The following ATXN7L1 variants were observed in gnomAD, a reference collection of about 807,000 sequenced individuals.
ATXN7L1 encodes the protein ataxin-7-like protein 1.
In ATXN7L1, 15 loss-of-function variants were observed where a neutral mutation model predicts 70.8. The observed-to-expected ratio is 0.21, with a 90% CI of 0.14 to 0.33. The LOEUF is 0.33. ATXN7L1 is among the 10% of genes least tolerant of loss of function. ATXN7L1 has a pLI of 1.00. For synonymous variants in ATXN7L1, 440 were observed against 445.1 expected, an observed-to-expected ratio of 0.99 and a Z score of 0.14; for missense variants, 975 against 1,097.1, an observed-to-expected ratio of 0.89 and a Z score of 1.57.
chr7:105,729,886 T>C (rs1242825675), intron 3 of ATXN7L1, among the ~76,000 whole-genome samples: 4 of 152,006 alleles, frequency 2.6e-5, no homozygotes, highest in Non-Finnish European at 4.4e-5. Context: ...TACAGGCGCC[T>C]GCCACCACGC....
intron 3 of ATXN7L1, among the ~76,000 whole-genome samples, chr7:105,752,833 C>T (rs181767363): frequency 6.6e-6 from 1 of 152,172 alleles, no homozygotes; most frequent in Non-Finnish European, 1.5e-5. Context: ...AACACAGTGG[C>T]CGCACCCTGA....
intron 7 of ATXN7L1, among the ~76,000 whole-genome samples, chr7:105,632,921 T>TAAAAAAAA (rs11417434): frequency 5.0e-5 from 3 of 60,058 alleles, no homozygotes; most frequent in Non-Finnish European, 8.2e-5. Flanking sequence ...ATCTTGTCTT[T>TAAAAAAAA]AAAAAAAAAA....
At chr7:105,724,095 G>T (rs922479058) in intron 3 of ATXN7L1, among the ~76,000 whole-genome samples, 1 of 152,094 alleles carries the variant, frequency 6.6e-6, no homozygotes, top group African/African-American at 2.4e-5. Flanking sequence ...CAATTTGGGG[G>T]GCTTACAACA....
chr7:105,803,100 GTC>G (rs1342473795), intron 2 of ATXN7L1, among the ~76,000 whole-genome samples: 2 of 152,220 alleles, frequency 1.3e-5, no homozygotes, highest in East Asian at 3.8e-4. Context: ...CTACCCCTGT[GTC>G]AAATCCGTCA....
At chr7:105,639,417 A>G (rs1221719277) in intron 6 of ATXN7L1, 70 bp downstream of exon 6, 4 of 1,200,262 alleles carry the variant, frequency 3.3e-6, no homozygotes, top group Non-Finnish European at 4.8e-6. Flanking sequence ...GTGTGCAGAG[A>G]GTGGCATGCA....
chr7:105,657,589 T>C lies in ATXN7L1; in HGVS notation c.578+7477A>G, dbSNP rs1330082092. On this transcript the variant is annotated intron_variant, in intron 4 of 11. Coordinates refer to ENST00000419735, the MANE Select transcript of ATXN7L1 (RefSeq NM_020725.2). ...GTGTGTGCCTGTCGTCCCAGCTACC[T>C]GGGAGGTTGAGGTGGGAGGATCACT... 2.7e-5 allele frequency among the ~76,000 whole-genome samples: 4 copies of C among 149,932 alleles called. No individual in the cohort carries two copies. The Admixed American group carries it at 2.7e-4, about 10-fold the overall frequency.
chr7:105,740,769 A>AC (rs1797907152), intron 3 of ATXN7L1, among the ~76,000 whole-genome samples: 1 of 85,686 alleles, frequency 1.2e-5, no homozygotes, highest in Non-Finnish European at 2.1e-5. Context: ...GGCTCCATTC[A>AC]TTTTTTTTTT....
chr7:105,719,636 C>T (rs1438862567), intron 3 of ATXN7L1, among the ~76,000 whole-genome samples: 4 of 152,084 alleles, frequency 2.6e-5, no homozygotes, highest in Non-Finnish European at 4.4e-5. Flanking sequence ...CTCAGAGAAG[C>T]GGACTAAGCC....
intron 3 of ATXN7L1, among the ~76,000 whole-genome samples, chr7:105,687,923 T>C (rs1790168691): frequency 6.6e-6 from 1 of 152,302 alleles, no homozygotes; most frequent in Non-Finnish European, 1.5e-5. Context: ...GCTTTAGTCA[T>C]ACAAAGAAAA....
At chr7:105,711,052 A>G (rs2116269372) in intron 3 of ATXN7L1, among the ~76,000 whole-genome samples, 1 of 152,284 alleles carries the variant, frequency 6.6e-6, no homozygotes, top group South Asian at 2.1e-4. Context: ...AGCATGGGGG[A>G]AACCGCCCCC....
chr7:105,648,591 A>G (rs578007318), intron 4 of ATXN7L1, among the ~76,000 whole-genome samples: 1 of 152,328 alleles, frequency 6.6e-6, no homozygotes, highest in South Asian at 2.1e-4. Context: ...GAGCCTATTA[A>G]GAGCCCCACC....
At chr7:105,769,382 T>C (rs556038011) in intron 3 of ATXN7L1, among the ~76,000 whole-genome samples, 2 of 152,090 alleles carry the variant, frequency 1.3e-5, no homozygotes, top group African/African-American at 4.8e-5. Context: ...CGGCACACTA[T>C]TTTGTGTGTT....
intron 3 of ATXN7L1, among the ~76,000 whole-genome samples, chr7:105,715,637 T>C (rs1794448194): frequency 6.6e-6 from 1 of 152,228 alleles, no homozygotes; most frequent in Non-Finnish European, 1.5e-5. Flanking sequence ...AAACTGTGGG[T>C]AGGGGTGCTC....
At chr7:105,825,323 C>A (rs1454839093) in intron 2 of ATXN7L1, among the ~76,000 whole-genome samples, 1 of 152,050 alleles carries the variant, frequency 6.6e-6, no homozygotes, top group African/African-American at 2.4e-5. Context: ...CTTCCCAAGA[C>A]AATGAAGAGG....
chr7:105,632,371 T>C (rs977260510), intron 7 of ATXN7L1, among the ~76,000 whole-genome samples: 1 of 152,192 alleles, frequency 6.6e-6, no homozygotes, highest in African/African-American at 2.4e-5. Flanking sequence ...TCATAAATGA[T>C]TTAAAATACC....
intron 3 of ATXN7L1, among the ~76,000 whole-genome samples, chr7:105,730,873 T>A (rs1038339348): frequency 6.6e-6 from 1 of 152,174 alleles, no homozygotes; most frequent in Non-Finnish European, 1.5e-5. Context: ...CGGTTAATAA[T>A]AATGTGTTAA....
At chr7:105,756,347 A>G (rs1799805795) in intron 3 of ATXN7L1, among the ~76,000 whole-genome samples, 1 of 152,234 alleles carries the variant, frequency 6.6e-6, no homozygotes, top group African/African-American at 2.4e-5. Context: ...AGTGCTCACA[A>G]TAGAGGTAAT....
chr7:105,785,194 G>A (rs1238827722), intron 3 of ATXN7L1, among the ~76,000 whole-genome samples: 4 of 152,236 alleles, frequency 2.6e-5, no homozygotes, highest in African/African-American at 4.8e-5. Context: ...GGCTGGGCAC[G>A]ATGGCTCATG....
At chr7:105,620,584 G>A (rs1010599724) in intron 8 of ATXN7L1, among the ~76,000 whole-genome samples, 20 of 152,126 alleles carry the variant, frequency 1.3e-4, no homozygotes, top group African/African-American at 4.8e-4. Flanking sequence ...CTGGGATTGA[G>A]CCAGCATTTT....
Sources: gnomAD v4.1 joint callset for allele counts (sites outside exome capture counted in the v4.1 genomes callset) on GRCh38, gnomAD v4.1.1 for gene constraint, MANE v1.5 for transcripts, NCBI Gene and HGNC (gene_info 2026-07-23, HGNC 2026-07-21) for gene names.